Variants in GLI2 observed in about 807,000 individuals in gnomAD.
GLI2 encodes the protein GLI family zinc finger 2.
A neutral mutation model predicts 78.9 loss-of-function variants in GLI2; 22 were observed. The observed-to-expected ratio is 0.28, with a 90% CI of 0.20 to 0.40. The LOEUF (loss-of-function observed/expected upper bound fraction) is 0.40. GLI2 is among the 10% of genes least tolerant of loss of function. The probability of loss-of-function intolerance (pLI) is 1.00; values close to 1 mark genes in which losing one functional copy is unlikely to be tolerated. For synonymous variants in GLI2, 974 were observed against 963.7 expected, an observed-to-expected ratio of 1.01 and a Z score of -0.20; for missense variants, 2,097 against 2,213.2, an observed-to-expected ratio of 0.95 and a Z score of 1.05.
Position 120,984,200 on chromosome 2 carries a change from C to T in GLI2, c.1633-271C>T, listed in dbSNP as rs533625217. On this transcript the variant is annotated intron_variant, in intron 11 of 13. Transcript: ENST00000361492. ...ATTGAGAGGCAGCATTGTGATTACACGAGGCACATGTGTCCCCAGCTTCTT... is the reference window on the plus strand; with the variant it reads ...ATTGAGAGGCAGCATTGTGATTACATGAGGCACATGTGTCCCCAGCTTCTT... Among the ~76,000 whole-genome samples the T allele has an allele frequency of 1.9e-3, 295 of 152,236 alleles. 1 individual carries two copies. The highest frequency in any genetic ancestry group is 2.0e-3 in the African/African-American group (81 of 41,532).
intron 1 of GLI2, among the ~76,000 whole-genome samples, chr2:120,757,094 C>G (rs1444193051): frequency 6.6e-6 from 1 of 152,158 alleles, no homozygotes; most frequent in African/African-American, 2.4e-5. Context: ...TTCCATGTCT[C>G]CACTTAACTC....
chr2:120,793,134 C>T (rs1301247526), intron 1 of GLI2, among the ~76,000 whole-genome samples: 1 of 152,244 alleles, frequency 6.6e-6, no homozygotes, highest in African/African-American at 2.4e-5. Context: ...CCTGCTGAGG[C>T]CCCAGAGGGC....
chr2:120,928,151 C>A (rs935636784), intron 3 of GLI2, among the ~76,000 whole-genome samples: 2 of 152,140 alleles, frequency 1.3e-5, no homozygotes, highest in African/African-American at 4.8e-5. Flanking sequence ...TACCCCCAAA[C>A]TCTCCACTGC....
At chr2:120,801,175 G>A (rs933932214) in intron 2 of GLI2, among the ~76,000 whole-genome samples, 4 of 152,160 alleles carry the variant, frequency 2.6e-5, no homozygotes, top group African/African-American at 9.7e-5. Context: ...GTCTCACTCT[G>A]TCGCCCAGGC....
chr2:120,906,912 C>T (rs1573576796), intron 2 of GLI2, among the ~76,000 whole-genome samples: 1 of 152,148 alleles, frequency 6.6e-6, no homozygotes, highest in African/African-American at 2.4e-5. Flanking sequence ...CTGCCCTTCC[C>T]GCCCTGGTAG....
intron 2 of GLI2, among the ~76,000 whole-genome samples, chr2:120,859,083 C>T (rs1291428116): frequency 1.3e-5 from 2 of 152,204 alleles, no homozygotes; most frequent in African/African-American, 4.8e-5. Context: ...AAGCAGTATT[C>T]TGTCTTCTAA....
At chr2:120,840,782 C>T (rs1042909051) in intron 2 of GLI2, among the ~76,000 whole-genome samples, 9 of 152,314 alleles carry the variant, frequency 5.9e-5, no homozygotes, top group East Asian at 1.9e-4. Flanking sequence ...AGAGATGCAG[C>T]GATCCCATGG....
At chr2:120,968,484 A>G (rs1055340834) in intron 5 of GLI2, among the ~76,000 whole-genome samples, 1 of 152,174 alleles carries the variant, frequency 6.6e-6, no homozygotes, top group African/African-American at 2.4e-5. Context: ...AACACCTTAC[A>G]TGCACTTCTC....
At chr2:120,770,388 T>G (rs1407363471) in intron 1 of GLI2, among the ~76,000 whole-genome samples, 1 of 152,206 alleles carries the variant, frequency 6.6e-6, no homozygotes, top group Non-Finnish European at 1.5e-5. Context: ...GGTTTAGCTG[T>G]CTGTCTTCCC....
At chr2:120,943,459 A>G (rs1356078235) in intron 3 of GLI2, among the ~76,000 whole-genome samples, 2 of 152,148 alleles carry the variant, frequency 1.3e-5, no homozygotes, top group African/African-American at 2.4e-5. Flanking sequence ...GTCATAAGTC[A>G]CCCTGAGAAG....
At chr2:120,841,211 G>A (rs966393121) in intron 2 of GLI2, among the ~76,000 whole-genome samples, 9 of 152,230 alleles carry the variant, frequency 5.9e-5, no homozygotes, top group Non-Finnish European at 1.2e-4. Flanking sequence ...GACCCATGAA[G>A]TGGTCGGTTT....
At chr2:120,814,251 C>T (rs113241182) in intron 2 of GLI2, among the ~76,000 whole-genome samples, 26 of 152,174 alleles carry the variant, frequency 1.7e-4, no homozygotes, top group Admixed American at 9.2e-4. Context: ...GTAAGGGCAC[C>T]GGGATTTGAG....
chr2:120,921,482 G>T (rs925372097), intron 2 of GLI2, among the ~76,000 whole-genome samples: 1 of 152,238 alleles, frequency 6.6e-6, no homozygotes, highest in East Asian at 1.9e-4. Flanking sequence ...TGGAATAAGC[G>T]AGGCCCTTTG....
Position 120,797,453 on chromosome 2 carries a change from G to C in GLI2, c.133G>C (p.Val45Leu). 1 of 1,613,938 alleles carries C rather than the reference G, an allele frequency of 6.2e-7. No individual in the cohort carries two copies. The highest frequency in any genetic ancestry group is 8.5e-7 in the Non-Finnish European group (1 of 1,179,832). ...GGTGGCTGCAGCGGCAGCAGCAGCG[G>C]TAGCTGCCCAAGGAGGTACTTTCTG... Reference protein sequence around the residue: ...LVVAAAAAAAVAAQGVPQHLL... With the variant: ...LVVAAAAAAALAAQGVPQHLL... The change falls in exon 2 of 14, where the codon GTA becomes CTA. Residue 45 changes from valine to leucine, a missense_variant. By Grantham distance (32) the Val-to-Leu change is conservative. Coordinates refer to ENST00000361492, the MANE Select transcript of GLI2 (RefSeq NM_001374353.1).
At chr2:120,926,097 A>AG (rs1679656652) in intron 2 of GLI2, among the ~76,000 whole-genome samples, 1 of 151,370 alleles carries the variant, frequency 6.6e-6, no homozygotes, top group African/African-American at 2.4e-5. Context: ...AAAAAAAAAA[A>AG]AAGATTTAAA....
At chr2:120,808,472 C>G (rs191024585) in intron 2 of GLI2, among the ~76,000 whole-genome samples, 2 of 152,268 alleles carry the variant, frequency 1.3e-5, no homozygotes, top group Admixed American at 1.3e-4. Flanking sequence ...GTACCTGTGC[C>G]TGGGGAAGCT....
intron 2 of GLI2, among the ~76,000 whole-genome samples, chr2:120,817,184 T>G (rs1685534273): frequency 6.6e-6 from 1 of 152,228 alleles, no homozygotes; most frequent in Non-Finnish European, 1.5e-5. Context: ...CCATCCTTCC[T>G]CCTAATCCCA....
intron 1 of GLI2, among the ~76,000 whole-genome samples, chr2:120,767,122 C>T (rs1683386836): frequency 6.6e-6 from 1 of 152,228 alleles, no homozygotes; most frequent in African/African-American, 2.4e-5. Flanking sequence ...CCGACCTCTA[C>T]GTAACTTGTT....
chr2:120,919,097 G>C (rs1202725014), intron 2 of GLI2, among the ~76,000 whole-genome samples: 2 of 152,174 alleles, frequency 1.3e-5, no homozygotes, highest in African/African-American at 4.8e-5. Context: ...TTTGTGCCTA[G>C]GTCCTTCCAT....
Sources: allele counts gnomAD v4.1 joint callset (sites outside exome capture counted in the v4.1 genomes callset), GRCh38; gene constraint gnomAD v4.1.1; transcripts MANE v1.5; gene names NCBI Gene and HGNC (gene_info 2026-07-23, HGNC 2026-07-21).